RPS6KA6: variants seen among roughly 807,000 people sequenced by gnomAD.
The protein encoded by RPS6KA6 is ribosomal protein S6 kinase alpha-6.
Under a neutral mutation model 65.4 loss-of-function variants are expected in RPS6KA6, and 27 were observed. The ratio of observed to expected loss-of-function variants is 0.41; its 90% CI spans 0.30 to 0.57. The LOEUF (loss-of-function observed/expected upper bound fraction) is 0.57, where lower values mean the gene tolerates loss of function less well. RPS6KA6 is among the 20% of genes least tolerant of loss of function. RPS6KA6 has a pLI of 0.24. For missense variants in RPS6KA6, 486 were observed against 555.6 expected, an observed-to-expected ratio of 0.87 and a Z score of 1.26; for synonymous variants, 190 against 184.2, an observed-to-expected ratio of 1.03 and a Z score of -0.26.
chrX:84,115,659 G>A (rs2034550892), intron 12 of RPS6KA6, among the ~76,000 whole-genome samples: 1 of 111,732 alleles, frequency 8.9e-6, no homozygotes, highest in East Asian at 2.8e-4. Flanking sequence ...GCACTTGTAT[G>A]TCTATCACAG....
intron 6 of RPS6KA6, among the ~76,000 whole-genome samples, chrX:84,137,914 T>C (rs78222528): frequency 3.2e-4 from 36 of 111,973 alleles, no homozygotes; most frequent in African/African-American, 1.1e-3. Context: ...TAATTTTTGC[T>C]AGTCAAATGT....
At position 84,061,627 on chromosome X, in the gene RPS6KA6, C is replaced by T. The variant is rs1043586374; in HGVS notation, c.*2650G>A. 1 of 111,130 alleles carries T rather than the reference C, an allele frequency of 9.0e-6. No individual in the cohort carries two copies. Among genetic ancestry groups the T allele is most frequent in the Non-Finnish European group, 1.9e-5 (1 of 52,895 alleles). 9.2% of individuals were successfully genotyped at this position (111,130 alleles called of 1,213,427 possible). A position where few individuals can be genotyped will look rare whatever the true frequency, so the allele number is the denominator to read the frequency against. On this transcript the variant is annotated 3_prime_UTR_variant, in exon 22 of 22. Transcript: ENST00000262752. Reference sequence around the variant, plus strand: ...TGCTTAAGGACAACAGGTTGTTAGTCTATTTGAGCAAACCTGATGTTTTCT... The same window carrying T: ...TGCTTAAGGACAACAGGTTGTTAGTTTATTTGAGCAAACCTGATGTTTTCT...
Position 84,163,830 on chromosome X carries a change from G to A in RPS6KA6, c.141+498C>T, listed in dbSNP as rs2035556718. Reference sequence around the variant, plus strand: ...TAGTATCTAGGCATTACATAGAATGGTCTAATGGCTAAGCAGTCTTTAAAA... The same window carrying A: ...TAGTATCTAGGCATTACATAGAATGATCTAATGGCTAAGCAGTCTTTAAAA... On this transcript the variant is annotated intron_variant, in intron 2 of 21. Transcript: ENST00000262752. Among the ~76,000 whole-genome samples the A allele has an allele frequency of 2.7e-5, 3 of 111,124 alleles. No individual in the cohort carries two copies. The South Asian group carries it at 1.1e-3, about 42-fold the overall frequency.
chrX:84,160,908 C>T (rs963639215), intron 2 of RPS6KA6, among the ~76,000 whole-genome samples: 6 of 111,279 alleles, frequency 5.4e-5, no homozygotes, highest in African/African-American at 2.0e-4. Flanking sequence ...CTGCAGAACA[C>T]TTAGTTTTGT....
chrX:84,133,071 A>G (rs1205203085), intron 8 of RPS6KA6, among the ~76,000 whole-genome samples: 1 of 112,395 alleles, frequency 8.9e-6, no homozygotes, highest in Non-Finnish European at 1.9e-5. Flanking sequence ...AAGAACTCTT[A>G]AACCCATTTA....
chrX:84,147,607 C>T (rs1001188522), intron 4 of RPS6KA6, among the ~76,000 whole-genome samples: 3 of 111,410 alleles, frequency 2.7e-5, no homozygotes, highest in African/African-American at 9.8e-5. Context: ...CCACCATGCC[C>T]GGCCTATTAA....
chrX:84,105,680 G>T, intron 16 of RPS6KA6, 107 bp downstream of exon 16: 1 of 398,295 alleles, frequency 2.5e-6, no homozygotes, highest in Non-Finnish European at 4.2e-6. Context: ...GATTTTTGAG[G>T]CATGAAAATA....
chrX:84,101,576 T>A (rs773848093), intron 18 of RPS6KA6, among the ~76,000 whole-genome samples: 21 of 111,255 alleles, frequency 1.9e-4, no homozygotes, highest in African/African-American at 6.5e-4. Flanking sequence ...ACTGCCCTTA[T>A]ATGTTATTTA....
At chrX:84,100,552 T>G (rs1216108114) in intron 18 of RPS6KA6, among the ~76,000 whole-genome samples, 2 of 111,141 alleles carry the variant, frequency 1.8e-5, no homozygotes, top group Non-Finnish European at 3.8e-5. Flanking sequence ...ATGGTTATTC[T>G]ATACTCTGCT....
At chrX:84,160,643 C>T (rs1250404634) in intron 2 of RPS6KA6, among the ~76,000 whole-genome samples, 1 of 111,124 alleles carries the variant, frequency 9.0e-6, no homozygotes, top group African/African-American at 3.3e-5. Flanking sequence ...TGTAGGTACA[C>T]AGGCCAGCTT....
At chrX:84,187,738 C>G (rs2035946163) in intron 1 of RPS6KA6, 81 bp downstream of exon 1, 1 of 996,835 alleles carries the variant, frequency 1.0e-6, no homozygotes, top group Admixed American at 2.6e-5. Context: ...CCCTACGCCT[C>G]TCCTCTCTCC....
chrX:84,167,337 A>C (rs752003811), intron 1 of RPS6KA6, among the ~76,000 whole-genome samples: 16 of 112,259 alleles, frequency 1.4e-4, no homozygotes, highest in Admixed American at 1.2e-3. Flanking sequence ...GATAAAAAGA[A>C]TACTACTTTT....
At chrX:84,099,905 C>G (rs1178649699) in intron 18 of RPS6KA6, among the ~76,000 whole-genome samples, 2 of 111,077 alleles carry the variant, frequency 1.8e-5, no homozygotes, top group Non-Finnish European at 3.8e-5. Flanking sequence ...TTAGCAAAAA[C>G]TTTATGCATT....
rs914224830 is a variant in RPS6KA6, at chrX:84,077,504, A to G, written c.1972-12393T>C. Among the ~76,000 whole-genome samples the G allele has an allele frequency of 4.6e-4, 51 of 111,730 alleles. 2 individuals are homozygous for G. Among genetic ancestry groups the G allele is most frequent in the Admixed American group, 1.9e-4 (2 of 10,474 alleles). On this transcript the variant is annotated intron_variant, in intron 20 of 21. Coordinates refer to ENST00000262752, the MANE Select transcript of RPS6KA6 (RefSeq NM_014496.5). The stretch of plus-strand genomic sequence containing the variant: ...TATAAATACAAATGCAATTTGGTGA[A>G]GAAAGGATATTATTTTCAAAAAGTG...
rs1019088514 is a variant in RPS6KA6, at chrX:84,062,331, A to T, written c.*1946T>A. ...TTACTTAAAATGCATCCATGGAAATAGTATCTCTGTCCTGAAAACTTCAAC... is the reference window on the plus strand; with the variant it reads ...TTACTTAAAATGCATCCATGGAAATTGTATCTCTGTCCTGAAAACTTCAAC... On this transcript the variant is annotated 3_prime_UTR_variant, in exon 22 of 22. Coordinates refer to ENST00000262752, the MANE Select transcript of RPS6KA6 (RefSeq NM_014496.5). 1 of 111,714 alleles carries T rather than the reference A, an allele frequency of 9.0e-6. No homozygotes were observed. The highest frequency in any genetic ancestry group is 1.9e-5 in the Non-Finnish European group (1 of 53,045). The allele number at this position is 111,714 out of a possible 1,213,427, so 9.2% of individuals were successfully genotyped here. A position where few individuals can be genotyped will look rare whatever the true frequency, so the allele number is the denominator to read the frequency against.
At chrX:84,187,142 T>C (rs1569249165) in intron 1 of RPS6KA6, among the ~76,000 whole-genome samples, 1 of 110,769 alleles carries the variant, frequency 9.0e-6, no homozygotes, top group Admixed American at 9.6e-5. Context: ...GGGACAGCGG[T>C]TGTGGAAAGG....
chrX:84,168,998 A>C lies in RPS6KA6; in HGVS notation c.82-4611T>G, dbSNP rs180969689. On this transcript the variant is annotated intron_variant, in intron 1 of 21. Transcript: ENST00000262752. ...AATTTAAATCACTTTCATCCACATA[A>C]AAACAAAAATAATTTCTGAATTCTC... Among the ~76,000 whole-genome samples, 108 of 112,290 alleles carry C rather than the reference A, an allele frequency of 9.6e-4. 1 individual carries two copies. The South Asian group carries it at 0.011, about 12-fold the overall frequency.
chrX:84,153,926 C>T (rs1432662302), intron 3 of RPS6KA6, among the ~76,000 whole-genome samples: 1 of 111,496 alleles, frequency 9.0e-6, no homozygotes, highest in Non-Finnish European at 1.9e-5. Context: ...AAAACTAAAT[C>T]CCAGCACAGA....
chrX:84,118,837 T>C (rs1057340523), intron 9 of RPS6KA6, among the ~76,000 whole-genome samples: 1 of 111,686 alleles, frequency 9.0e-6, no homozygotes, highest in Admixed American at 9.5e-5. Context: ...CCTCCTAAAA[T>C]ACAATTTTCT....
Sources: allele counts gnomAD v4.1 joint callset (sites outside exome capture counted in the v4.1 genomes callset), GRCh38; gene constraint gnomAD v4.1.1; transcripts MANE v1.5; gene names NCBI Gene and HGNC (gene_info 2026-07-23, HGNC 2026-07-21).